Variants in ST18 observed in about 807,000 individuals in gnomAD.
The protein encoded by ST18 is ST18 C2H2C-type zinc finger transcription factor, also known as suppression of tumorigenicity 18 protein.
A neutral mutation model predicts 110.0 loss-of-function variants in ST18; 50 were observed. That is an observed-to-expected ratio of 0.45 (90% CI 0.36 to 0.58). ST18 has a LOEUF of 0.58. Among genes scored for constraint, ST18 ranks in the 20% least tolerant of loss-of-function variants. The probability of loss-of-function intolerance (pLI) is 0.00; values close to 1 mark genes in which losing one functional copy is unlikely to be tolerated. For synonymous variants in ST18, 461 were observed against 452.4 expected (o/e 1.02, Z -0.24); for missense variants, 1,306 against 1,280.1 (o/e 1.02, Z -0.31).
intron 2 of ST18, among the ~76,000 whole-genome samples, chr8:52,257,357 T>A (rs1334087328): frequency 3.9e-5 from 6 of 152,210 alleles, no homozygotes; most frequent in African/African-American, 1.4e-4. Context: ...GAGGAACTGC[T>A]AAATAGTTTT....
chr8:52,385,823 G>A (rs1038044000), intron 2 of ST18, among the ~76,000 whole-genome samples: 2 of 152,146 alleles, frequency 1.3e-5, no homozygotes, highest in African/African-American at 2.4e-5. Flanking sequence ...GAGAACAGCT[G>A]ATGGAATTGC....
rs1456918429 is a variant in ST18, at chr8:52,118,416, C to A, written c.2781G>T (p.Arg927Ser). 1 of 1,610,504 alleles carries A rather than the reference C, an allele frequency of 6.2e-7. No homozygotes were observed. The highest frequency in any genetic ancestry group is 1.7e-5 in the Admixed American group (1 of 59,692). ...TGGIESDEEI[R>S]HLDEEIKELN... The stretch of plus-strand genomic sequence containing the variant: ...GTTCCTTTATTTCTTCATCCAAATG[C>A]CTAATTTCTTCATCACTCTCTATTC... Residue 927 changes from arginine to serine, a missense_variant, in exon 24 of 26, where the codon AGG (arginine) becomes AGT (serine). Transcript: ENST00000689386.
chr8:52,306,598 T>C (rs1247792955), intron 2 of ST18, among the ~76,000 whole-genome samples: 1 of 152,128 alleles, frequency 6.6e-6, no homozygotes, highest in Non-Finnish European at 1.5e-5. Context: ...ATGGGCTGTA[T>C]AGTAGGTGAA....
intron 2 of ST18, among the ~76,000 whole-genome samples, chr8:52,281,564 A>G (rs949124565): frequency 4.6e-5 from 7 of 152,220 alleles, no homozygotes; most frequent in African/African-American, 1.7e-4. Flanking sequence ...TAAAAACATA[A>G]TAGGCTAGCC....
rs2040789061 is a variant in ST18 at position 52,112,360 on chromosome 8, C to T, written c.*838G>A. ...TTCATCTTGGGATACGAGTTGCCAA[C>T]GATCTGATATGACTTGAAAAACAAA... On this transcript the variant is annotated 3_prime_UTR_variant, in exon 26 of 26. Transcript: ENST00000689386. 1 of 152,574 alleles carries T rather than the reference C, an allele frequency of 6.6e-6. No individual in the cohort carries two copies. The highest frequency in any genetic ancestry group is 1.5e-5 in the Non-Finnish European group (1 of 68,034). 9.5% of individuals were successfully genotyped at this position (152,574 alleles called of 1,614,324 possible).
rs909744751 is a variant in ST18, at chr8:52,136,474, T to A, written c.2300+116A>T. On this transcript the variant is annotated intron_variant, in intron 19 of 25. Coordinates refer to ENST00000689386, the MANE Select transcript of ST18 (RefSeq NM_001352837.2). ...TAGTCAGAAAGTGCCTTTGCTGTGA[T>A]CCTGGCAGGCAGGACATACTGCTTG... is the stretch of plus-strand genomic sequence containing the variant. 5.9e-6 allele frequency: 6 copies of A among 1,011,218 alleles called. No individual in the cohort carries two copies. In the Admixed American group the frequency reaches 1.5e-4, roughly 26 times the overall value. The allele number at this position is 1,011,218 out of a possible 1,614,324, so 62.6% of individuals were successfully genotyped here. A position where few individuals can be genotyped will look rare whatever the true frequency, so the allele number is the denominator to read the frequency against.
At chr8:52,206,300 AG>A (rs1424846318) in intron 8 of ST18, 2 of 152,258 alleles carry the variant, frequency 1.3e-5, no homozygotes, top group African/African-American at 4.8e-5. Context: ...ATACACCTTC[AG>A]TGCTAAATGC....
intron 2 of ST18, among the ~76,000 whole-genome samples, chr8:52,341,586 G>C (rs999655706): frequency 1.3e-5 from 2 of 152,216 alleles, no homozygotes; most frequent in Non-Finnish European, 2.9e-5. Flanking sequence ...CATCACAAGG[G>C]TCCTTCAACC....
Position 52,321,976 on chromosome 8 carries a change from T to C in ST18, c.-465+87352A>G, listed in dbSNP as rs547351344. Among the ~76,000 whole-genome samples, 5 of 152,354 alleles carry C rather than the reference T, an allele frequency of 3.3e-5. No individual in the cohort carries two copies. The East Asian group carries it at 7.7e-4, about 24-fold the overall frequency. On this transcript the variant is annotated intron_variant, in intron 2 of 25. Transcript: ENST00000689386. ...AAGCCATATTTTTAAGTTATTAAAC[T>C]AGACCATTGCTTTTGTTCCCAGCAT...
At chr8:52,279,407 A>G (rs1197531494) in intron 2 of ST18, among the ~76,000 whole-genome samples, 1 of 152,186 alleles carries the variant, frequency 6.6e-6, no homozygotes, top group Non-Finnish European at 1.5e-5. Context: ...AAGTTATGAA[A>G]AGATTTGGAA....
intron 16 of ST18, 38 bp downstream of exon 16, chr8:52,149,694 C>A: frequency 6.3e-7 from 1 of 1,590,464 alleles, no homozygotes. Flanking sequence ...TGCAATCATG[C>A]TGTCTTCAAC....
intron 25 of ST18, among the ~76,000 whole-genome samples, chr8:52,114,836 C>T (rs1432158987): frequency 6.6e-6 from 1 of 152,158 alleles, no homozygotes; most frequent in African/African-American, 2.4e-5. Context: ...TTGGTGCTTT[C>T]GTAACATTTT....
In ST18 at chr8:52,364,875, C is replaced by T. The variant is rs529688729; in HGVS notation, c.-465+44453G>A. Reference sequence around the variant, plus strand: ...CTGTAATCCCAGCACTTTGAGAGGCCGAGGCGGGCAGATCACCTGAGGTCA... The same window carrying T: ...CTGTAATCCCAGCACTTTGAGAGGCTGAGGCGGGCAGATCACCTGAGGTCA... On this transcript the variant is annotated intron_variant, in intron 2 of 25. Transcript: ENST00000689386. 1.2e-4 allele frequency among the ~76,000 whole-genome samples: 19 copies of T among 152,172 alleles called. No individual in the cohort carries two copies. The South Asian group carries it at 3.5e-3, about 28-fold the overall frequency.
At chr8:52,356,364 A>G (rs1024553920) in intron 2 of ST18, among the ~76,000 whole-genome samples, 4 of 152,164 alleles carry the variant, frequency 2.6e-5, no homozygotes, top group African/African-American at 7.2e-5. Flanking sequence ...GGTCACCTCT[A>G]GCTAACAGCA....
At chr8:52,185,777 G>A (rs1254561918) in intron 8 of ST18, among the ~76,000 whole-genome samples, 1 of 152,140 alleles carries the variant, frequency 6.6e-6, no homozygotes, top group Non-Finnish European at 1.5e-5. Flanking sequence ...ACTCCAGAAG[G>A]ATGGCGAATT....
chr8:52,238,172 CAT>C (rs138331936), intron 2 of ST18, among the ~76,000 whole-genome samples: 2 of 152,274 alleles, frequency 1.3e-5, no homozygotes, highest in East Asian at 3.9e-4. Context: ...AATGGTTAAA[CAT>C]AGAGTTTCTA....
chr8:52,170,288 T>C (rs1486175115), intron 10 of ST18, among the ~76,000 whole-genome samples: 1 of 152,130 alleles, frequency 6.6e-6, no homozygotes, highest in Admixed American at 6.6e-5. Context: ...AAACCCCGTC[T>C]CTACTGAAAA....
chr8:52,163,902 G>T (rs2062104426), intron 13 of ST18, 84 bp downstream of exon 13: 4 of 1,067,238 alleles, frequency 3.7e-6, no homozygotes, highest in South Asian at 2.8e-5. Flanking sequence ...AAGCCACAGA[G>T]AACTGACTCA....
chr8:52,268,899 C>T (rs1280761483), intron 2 of ST18, among the ~76,000 whole-genome samples: 3 of 152,316 alleles, frequency 2.0e-5, no homozygotes, highest in Non-Finnish European at 4.4e-5. Flanking sequence ...TGCAGCTACT[C>T]TTGGCACTGA....
Sources: gnomAD v4.1 joint callset for allele counts (sites outside exome capture counted in the v4.1 genomes callset) on GRCh38, gnomAD v4.1.1 for gene constraint, MANE v1.5 for transcripts, NCBI Gene and HGNC (gene_info 2026-07-23, HGNC 2026-07-21) for gene names.